The following MAPK8 variants were observed in gnomAD, a reference collection of about 807,000 sequenced individuals.
MAPK8 encodes JUN N-terminal kinase.
In MAPK8, 13 loss-of-function variants were observed where a neutral mutation model predicts 52.9. The observed-to-expected ratio is 0.25, with a 90% CI of 0.16 to 0.39. The LOEUF (loss-of-function observed/expected upper bound fraction) is 0.39, where lower values mean the gene tolerates loss of function less well. MAPK8 is among the 10% of genes least tolerant of loss of function. MAPK8 has a pLI of 1.00. For missense variants in MAPK8, 300 were observed against 519.2 expected (o/e 0.58, Z 4.10); for synonymous variants, 191 against 169.8 (o/e 1.12, Z -0.97).
intron 1 of MAPK8, among the ~76,000 whole-genome samples, chr10:48,365,696 T>C (rs2132571896): frequency 6.6e-6 from 1 of 152,302 alleles, no homozygotes; most frequent in South Asian, 2.1e-4. Flanking sequence ...TTGACAAAAG[T>C]ATTTTTTAAA....
chr10:48,403,906 G>A (rs1362451985), intron 2 of MAPK8, among the ~76,000 whole-genome samples: 2 of 133,436 alleles, frequency 1.5e-5, no homozygotes, highest in African/African-American at 3.1e-5. Context: ...CTGCCACCAC[G>A]CCCGGCTAAT....
intron 1 of MAPK8, among the ~76,000 whole-genome samples, chr10:48,396,065 G>A (rs2132905734): frequency 6.6e-6 from 1 of 151,936 alleles, no homozygotes; most frequent in South Asian, 2.1e-4. Flanking sequence ...AACATTTCTT[G>A]TACCAAATCC....
intron 1 of MAPK8, chr10:48,308,083 T>C (rs1345282460): frequency 2.0e-5 from 3 of 152,274 alleles, no homozygotes; most frequent in African/African-American, 4.8e-5. Flanking sequence ...TTCTAAATTT[T>C]ATTTTTTCCA....
intron 10 of MAPK8, among the ~76,000 whole-genome samples, chr10:48,428,179 A>G (rs952893201): frequency 3.9e-5 from 6 of 152,160 alleles, no homozygotes; most frequent in East Asian, 1.9e-4. Flanking sequence ...GTTTTATTCT[A>G]TTTTATGAAT....
intron 1 of MAPK8, among the ~76,000 whole-genome samples, chr10:48,379,195 A>G (rs989160933): frequency 6.6e-6 from 1 of 152,294 alleles, no homozygotes; most frequent in Non-Finnish European, 1.5e-5. Flanking sequence ...TCTCTTCTTG[A>G]AGTCCCAAAA....
At chr10:48,318,946 G>A (rs961159504) in intron 1 of MAPK8, among the ~76,000 whole-genome samples, 1 of 152,228 alleles carries the variant, frequency 6.6e-6, no homozygotes, top group Non-Finnish European at 1.5e-5. Context: ...ACACAGCAGT[G>A]TGGCAGTGAG....
intron 1 of MAPK8, among the ~76,000 whole-genome samples, chr10:48,365,982 T>G (rs1723490823): frequency 6.6e-6 from 1 of 152,150 alleles, no homozygotes; most frequent in Admixed American, 6.5e-5. Context: ...TGCCATAGTT[T>G]GCGGAATGTA....
intron 1 of MAPK8, 26 bp downstream of exon 1, chr10:48,306,847 C>G (rs552604624): frequency 6.6e-6 from 1 of 151,860 alleles, no homozygotes; most frequent in South Asian, 2.0e-4. Flanking sequence ...GCCGCAGGGC[C>G]GGGACGGCAG....
intron 1 of MAPK8, among the ~76,000 whole-genome samples, chr10:48,397,389 C>T (rs2041942285): frequency 6.6e-6 from 1 of 151,766 alleles, no homozygotes; most frequent in South Asian, 2.1e-4. Flanking sequence ...CTCCTGGGCT[C>T]AAGGAGTCCT....
At chr10:48,355,150 A>G (rs990768851) in intron 1 of MAPK8, among the ~76,000 whole-genome samples, 6 of 152,258 alleles carry the variant, frequency 3.9e-5, no homozygotes, top group Non-Finnish European at 8.8e-5. Flanking sequence ...GACTATTCAA[A>G]GAGATTTTTT....
At chr10:48,409,691 C>T (rs1304608017) in intron 3 of MAPK8, among the ~76,000 whole-genome samples, 188 bp from the exon 4 acceptor site, 1 of 152,168 alleles carries the variant, frequency 6.6e-6, no homozygotes, top group East Asian at 1.9e-4. Flanking sequence ...CTCCACCTAT[C>T]CATCCCCTCC....
At position 48,332,666 on chromosome 10, in the gene MAPK8, A is replaced by G. The variant is rs75284852; in HGVS notation, c.-50+25845A>G. 4.7e-3 allele frequency among the ~76,000 whole-genome samples: 711 copies of G among 152,340 alleles called. 17 individuals carry two copies. The East Asian group carries it at 0.092, about 20-fold the overall frequency. ...AGCTTCAGCTGCAAACCTGTTTGCT[A>G]CAGCTTCTGTGGTGTTCCCTTTCTG... On this transcript the variant is annotated intron_variant, in intron 1 of 11. Coordinates refer to ENST00000374189, the MANE Select transcript of MAPK8 (RefSeq NM_001323329.2).
At chr10:48,413,956 A>G (rs1589235882) in intron 5 of MAPK8, among the ~76,000 whole-genome samples, 1 of 149,190 alleles carries the variant, frequency 6.7e-6, no homozygotes, top group South Asian at 2.1e-4. Context: ...AACGTGTACC[A>G]CTCAGTGTTT....
intron 1 of MAPK8, among the ~76,000 whole-genome samples, chr10:48,364,875 A>G (rs576639009): frequency 6.6e-6 from 1 of 152,208 alleles, no homozygotes; most frequent in Non-Finnish European, 1.5e-5. Context: ...AGCTAGAGCA[A>G]TCAGTCATAC....
At chr10:48,326,781 C>T (rs935270283) in intron 1 of MAPK8, among the ~76,000 whole-genome samples, 1 of 152,128 alleles carries the variant, frequency 6.6e-6, no homozygotes, top group African/African-American at 2.4e-5. Context: ...CCTGGTCCTC[C>T]CGTTACTGAC....
At chr10:48,366,062 T>C (rs935899115) in intron 1 of MAPK8, among the ~76,000 whole-genome samples, 13 of 152,088 alleles carry the variant, frequency 8.5e-5, no homozygotes, top group Non-Finnish European at 1.6e-4. Context: ...GTTTTTTTTT[T>C]CTTAATTTGA....
At chr10:48,413,056 G>T (rs1018609340) in intron 5 of MAPK8, among the ~76,000 whole-genome samples, 1 of 152,108 alleles carries the variant, frequency 6.6e-6, no homozygotes, top group African/African-American at 2.4e-5. Flanking sequence ...TTGCCTCCTT[G>T]CAACTGGCTT....
At chr10:48,381,998 A>G (rs140747973) in intron 1 of MAPK8, among the ~76,000 whole-genome samples, 96 of 152,310 alleles carry the variant, frequency 6.3e-4, no homozygotes, top group African/African-American at 2.3e-3. Flanking sequence ...GACAGAGGAC[A>G]GAACTGTGAA....
Position 48,435,769 on chromosome 10 carries a change from G to A in MAPK8, c.*740G>A, listed in dbSNP as rs1044374370. On this transcript the variant is annotated 3_prime_UTR_variant, in exon 12 of 12. Coordinates refer to ENST00000374189, the MANE Select transcript of MAPK8 (RefSeq NM_001323329.2). ...CAACAAAAATAAGTAAAAAGAATATGGTGTATTCTACAAATTTGTGGCATG... is the reference window on the plus strand; with the variant it reads ...CAACAAAAATAAGTAAAAAGAATATAGTGTATTCTACAAATTTGTGGCATG... 1 of 152,134 alleles carries A rather than the reference G, an allele frequency of 6.6e-6. No homozygotes were observed. The highest frequency in any genetic ancestry group is 6.5e-5 in the Admixed American group (1 of 15,272). 9.4% of individuals were successfully genotyped at this position (152,134 alleles called of 1,614,324 possible). A position where few individuals can be genotyped will look rare whatever the true frequency, so the allele number is the denominator to read the frequency against.
Sources: allele counts gnomAD v4.1 joint callset (sites outside exome capture counted in the v4.1 genomes callset), GRCh38; gene constraint gnomAD v4.1.1; transcripts MANE v1.5; gene names NCBI Gene and HGNC (gene_info 2026-07-23, HGNC 2026-07-21).